DYNC2I2: variants seen among roughly 807,000 people sequenced by gnomAD.
The protein encoded by DYNC2I2 is dynein 2 intermediate chain 2.
DYNC2I2 carries 39 observed loss-of-function variants against 52.0 expected under a neutral mutation model. The ratio of observed to expected loss-of-function variants is 0.75; its 90% CI spans 0.58 to 0.98. DYNC2I2 has a LOEUF of 0.98. Among genes scored for constraint, DYNC2I2 ranks in the 50% least tolerant of loss-of-function variants. DYNC2I2 has a pLI of 0.00. For missense variants in DYNC2I2, 743 were observed against 728.4 expected (o/e 1.02, Z -0.23); for synonymous variants, 359 against 321.1 (o/e 1.12, Z -1.26).
chr9:128,653,729 A>AAACTG (rs1860763919), intron 1 of DYNC2I2, among the ~76,000 whole-genome samples: 1 of 130,426 alleles, frequency 7.7e-6, no homozygotes, highest in African/African-American at 3.0e-5. Flanking sequence ...AAAAAAACCC[A>AAACTG]GGCCGGGCGC....
chr9:128,680,067 C>CT, the DYNC2I2 span, among the ~76,000 whole-genome samples: 41 of 147,634 alleles, frequency 2.8e-4, no homozygotes, highest in East Asian at 1.2e-3. Context: ...TTTCTCTTTT[C>CT]TTTTTTTTTT....
At position 128,634,284 on chromosome 9, in the gene DYNC2I2, C is replaced by G; in HGVS notation, c.1314G>C (p.Leu438=). The change falls in exon 8 of 9, where the codon CTG becomes CTC. Residue 438 remains leucine, a synonymous_variant. Coordinates refer to ENST00000372715, the MANE Select transcript of DYNC2I2 (RefSeq NM_052844.4). Reference sequence around the variant, plus strand: ...GCACTGGGGACCAGCGCACAGCAAACAGATACTTGAGGGAGAGCTGCAGCG... The same window carrying G: ...GCACTGGGGACCAGCGCACAGCAAAGAGATACTTGAGGGAGAGCTGCAGCG... The part of the protein sequence containing the change: ...LTSLQLSLKY[L]FAVRWSPVRP... The G allele has an allele frequency of 6.2e-7, 1 of 1,613,886 alleles. No homozygotes were observed.
chr9:128,653,127 G>C lies in DYNC2I2; in HGVS notation c.186+3414C>G, dbSNP rs753701833. Among the ~76,000 whole-genome samples, 91 of 150,860 alleles carry C rather than the reference G, an allele frequency of 6.0e-4. 1 individual carries two copies. The highest frequency in any genetic ancestry group is 6.6e-4 in the Non-Finnish European group (45 of 68,004). ...ACCTGTTATCCCAGCTACTCAGGAA[G>C]CTGAGGCAGGAGGATCACCTGAAAC... On this transcript the variant is annotated intron_variant, in intron 1 of 8. Coordinates refer to ENST00000372715, the MANE Select transcript of DYNC2I2 (RefSeq NM_052844.4).
At position 128,634,892 on chromosome 9, in the gene DYNC2I2, G is replaced by A. The variant is rs1449381760; in HGVS notation, c.1011C>T (p.Ala337=). The change falls in exon 7 of 9, where the codon GCC becomes GCT. Residue 337 remains alanine (A), a synonymous_variant. Coordinates refer to ENST00000372715, the MANE Select transcript of DYNC2I2 (RefSeq NM_052844.4). ...CAAAGCTGGAGAAGGCCACTGCCGTGGCGCCCACCTCGGTCTCCCCGCGGG... is the reference window on the plus strand; with the variant it reads ...CAAAGCTGGAGAAGGCCACTGCCGTAGCGCCCACCTCGGTCTCCCCGCGGG... ...KHPRGETEVG[A]TAVAFSSFDP... is the part of the protein sequence containing the mutation. 3.7e-6 allele frequency: 6 copies of A among 1,612,980 alleles called. No individual in the cohort carries two copies. The African/African-American group carries it at 8.0e-5, about 22-fold the overall frequency.
chr9:128,656,304 G>A (rs1860822683), intron 1 of DYNC2I2, among the ~76,000 whole-genome samples: 1 of 152,110 alleles, frequency 6.6e-6, no homozygotes, highest in Non-Finnish European at 1.5e-5. Flanking sequence ...GATCCTTGGA[G>A]GTGTTTTGTT....
At chr9:128,668,840 AAAAGG>A in the DYNC2I2 span, among the ~76,000 whole-genome samples, 10 of 151,822 alleles carry the variant, frequency 6.6e-5, no homozygotes, top group East Asian at 1.7e-3. Flanking sequence ...AAAAAAAAAG[AAAAGG>A]AAAGATCAAG....
Position 128,635,782 on chromosome 9 carries a change from G to A in DYNC2I2, c.704-15C>T. On this transcript the variant is annotated splice_polypyrimidine_tract_variant and intron_variant, in intron 4 of 8. Coordinates refer to ENST00000372715, the MANE Select transcript of DYNC2I2 (RefSeq NM_052844.4). ...GTACAGCCCTCCTGCAGGGACAGTG[G>A]ACCTGGGCAGAGGCTCAGCCCCACC... is the stretch of plus-strand genomic sequence containing the variant. The A allele has an allele frequency of 6.2e-7, 1 of 1,600,732 alleles. No homozygotes were observed. Among genetic ancestry groups the A allele is most frequent in the Non-Finnish European group, 8.5e-7 (1 of 1,172,388 alleles).
intron 1 of DYNC2I2, among the ~76,000 whole-genome samples, chr9:128,654,827 C>T (rs1279400771): frequency 6.6e-6 from 1 of 152,158 alleles, no homozygotes; most frequent in African/African-American, 2.4e-5. Context: ...TCACTGTAGC[C>T]CACCTGGCAA....
chr9:128,645,616 CAAAAAAAAAAAAAAA>C (rs59742854), intron 1 of DYNC2I2, among the ~76,000 whole-genome samples: 3 of 63,924 alleles, frequency 4.7e-5, no homozygotes, highest in African/African-American at 6.0e-5. Flanking sequence ...GACTCCATCT[CAAAAAAAAAAAAAAA>C]AAAAAAAAAA....
chr9:128,658,511 G>T (rs1038732109), upstream of DYNC2I2, among the ~76,000 whole-genome samples: 2 of 151,446 alleles, frequency 1.3e-5, no homozygotes, highest in Non-Finnish European at 3.0e-5. Context: ...GTCCAGGCTG[G>T]CGTGCAGTGG....
the DYNC2I2 span, chr9:128,683,919 A>T: frequency 6.4e-7 from 1 of 1,552,762 alleles, no homozygotes; most frequent in South Asian, 1.2e-5. Flanking sequence ...GCCAGTCTCC[A>T]CTCCCGCCTC....
the DYNC2I2 span, among the ~76,000 whole-genome samples, chr9:128,680,361 A>AATTATT: frequency 3.7e-4 from 52 of 139,796 alleles, no homozygotes; most frequent in African/African-American, 9.9e-4. Context: ...GTACCTGGTC[A>AATTATT]ATTATTATTA....
chr9:128,668,562 C>T, the DYNC2I2 span, among the ~76,000 whole-genome samples: 1 of 151,142 alleles, frequency 6.6e-6, no homozygotes, highest in African/African-American at 2.4e-5. Context: ...GTGGCTCACA[C>T]CTGTTATCCC....
chr9:128,669,870 G>C, the DYNC2I2 span, among the ~76,000 whole-genome samples: 1 of 152,100 alleles, frequency 6.6e-6, no homozygotes, highest in Non-Finnish European at 1.5e-5. Context: ...TAGTAAAGAC[G>C]GGGTTTCACT....
chr9:128,675,950 T>G, the DYNC2I2 span, among the ~76,000 whole-genome samples: 16 of 152,196 alleles, frequency 1.1e-4, no homozygotes, highest in South Asian at 3.3e-3. Context: ...GGAGGATCAC[T>G]TGAGTCTAGG....
chr9:128,641,733 G>A (rs999865810), intron 1 of DYNC2I2, among the ~76,000 whole-genome samples: 11 of 152,060 alleles, frequency 7.2e-5, no homozygotes, highest in Admixed American at 1.3e-4. Flanking sequence ...TCTCATGCGG[G>A]ATTCGAGCTG....
the DYNC2I2 span, among the ~76,000 whole-genome samples, chr9:128,672,887 G>C: frequency 6.6e-6 from 1 of 152,138 alleles, no homozygotes; most frequent in Non-Finnish European, 1.5e-5. Flanking sequence ...GGTGGGGCGT[G>C]GTAGCGGGCA....
At chr9:128,670,160 G>A in the DYNC2I2 span, among the ~76,000 whole-genome samples, 103 of 152,202 alleles carry the variant, frequency 6.8e-4, no homozygotes, top group African/African-American at 2.4e-3. Context: ...AAAAAGGCTG[G>A]ACACCGCTGG....
chr9:128,641,793 C>G (rs1221957080), intron 1 of DYNC2I2, among the ~76,000 whole-genome samples: 1 of 152,110 alleles, frequency 6.6e-6, no homozygotes. Context: ...CAGGACAGTT[C>G]TCTTCTGAAC....
Sources: allele counts gnomAD v4.1 joint callset (sites outside exome capture counted in the v4.1 genomes callset), GRCh38; gene constraint gnomAD v4.1.1; transcripts MANE v1.5; gene names NCBI Gene and HGNC (gene_info 2026-07-23, HGNC 2026-07-21).